Variants in PCDHGA9 observed in about 807,000 individuals in gnomAD.
PCDHGA9 encodes protocadherin gamma subfamily A, 9, also known as protocadherin gamma-A9.
In PCDHGA9, 37 loss-of-function variants were observed where a neutral mutation model predicts 62.5. The observed-to-expected ratio is 0.59, with a 90% CI of 0.46 to 0.78. The LOEUF (loss-of-function observed/expected upper bound fraction) is 0.78, where lower values mean the gene tolerates loss of function less well. Ranked by LOEUF, PCDHGA9 falls within the 30% of genes least tolerant of loss-of-function variation. The pLI is 0.00. For missense variants in PCDHGA9, 1,138 were observed against 1,166.2 expected, an observed-to-expected ratio of 0.98 and a Z score of 0.35; for synonymous variants, 459 against 484.6, an observed-to-expected ratio of 0.95 and a Z score of 0.69.
intron 1 of PCDHGA9, chr5:141,428,516 G>A (rs763205471): frequency 3.6e-6 from 1 of 281,256 alleles, no homozygotes; most frequent in Non-Finnish European, 7.0e-6. Context: ...TCTAGAAAAA[G>A]AAGATTTAAT....
At chr5:141,424,723 T>A (rs2096836963) in intron 1 of PCDHGA9, 2 of 152,144 alleles carry the variant, frequency 1.3e-5, no homozygotes, top group African/African-American at 4.8e-5. Context: ...TAGTTGGGAG[T>A]CATAGATTCC....
intron 1 of PCDHGA9, among the ~76,000 whole-genome samples, chr5:141,449,310 A>G (rs1006876700): frequency 4.6e-5 from 7 of 152,112 alleles, no homozygotes; most frequent in Non-Finnish European, 7.4e-5. Context: ...TATGTATTAT[A>G]TAATTGTATC....
intron 1 of PCDHGA9, among the ~76,000 whole-genome samples, chr5:141,468,868 A>T (rs1006995156): frequency 9.2e-5 from 14 of 151,794 alleles, no homozygotes; most frequent in African/African-American, 2.4e-4. Flanking sequence ...TCCATCTCAA[A>T]AATAATAATA....
In PCDHGA9 at chr5:141,511,402, A is replaced by C; in HGVS notation, c.*229A>C. On this transcript the variant is annotated 3_prime_UTR_variant, in exon 4 of 4. Transcript: ENST00000573521. Reference sequence around the variant, plus strand: ...TTCCGCTGGGAACCCCCATCCAATCAACTGCTGTACCCATGGGGGTAGTGG... The same window carrying C: ...TTCCGCTGGGAACCCCCATCCAATCCACTGCTGTACCCATGGGGGTAGTGG... The C allele has an allele frequency of 1.0e-6, 1 of 969,684 alleles. No individual in the cohort carries two copies. 60.1% of individuals were successfully genotyped at this position (969,684 alleles called of 1,614,324 possible).
intron 1 of PCDHGA9, chr5:141,419,577 C>T: frequency 3.7e-6 from 6 of 1,611,732 alleles, no homozygotes; most frequent in Non-Finnish European, 5.1e-6. Flanking sequence ...GACGGCTCCG[C>T]GCTCTTCGAC....
intron 1 of PCDHGA9, among the ~76,000 whole-genome samples, chr5:141,484,023 G>A (rs67828357): frequency 0.059 from 8,857 of 150,044 alleles, 313 homozygotes; most frequent in South Asian, 0.11. Context: ...GGTGGGGTGA[G>A]ATCAAGTCTC....
At chr5:141,442,974 A>C (rs1444888648) in intron 1 of PCDHGA9, among the ~76,000 whole-genome samples, 1 of 152,176 alleles carries the variant, frequency 6.6e-6, no homozygotes, top group Non-Finnish European at 1.5e-5. Flanking sequence ...CTGGCTGATA[A>C]AGTTAGCCTA....
In PCDHGA9 at chr5:141,493,079, G is replaced by A. The variant is rs1299289839; in HGVS notation, c.2425-1728G>A. 6.6e-6 allele frequency among the ~76,000 whole-genome samples: 1 copy of A among 152,204 alleles called. No homozygotes were observed. Among genetic ancestry groups the A allele is most frequent in the East Asian group, 1.9e-4 (1 of 5,196 alleles). Reference sequence around the variant, plus strand: ...AAAAACACAAGTTTCTCCAACTCCAGGAGCTTTTATTCAAAATATATCAAT... The same window carrying A: ...AAAAACACAAGTTTCTCCAACTCCAAGAGCTTTTATTCAAAATATATCAAT... On this transcript the variant is annotated intron_variant, in intron 1 of 3. Transcript: ENST00000573521. The surrounding 1 kb of genome is among the most constrained non-coding windows in gnomAD (Gnocchi z 4.3).
intron 1 of PCDHGA9, chr5:141,411,352 C>T (rs1002274073): frequency 2.6e-5 from 4 of 152,176 alleles, no homozygotes; most frequent in African/African-American, 9.7e-5. Flanking sequence ...GAAAGTATCA[C>T]TTGAGCCCAA....
Position 141,486,362 on chromosome 5 carries a change from C to A in PCDHGA9, c.2425-8445C>A. On this transcript the variant is annotated intron_variant, in intron 1 of 3. Coordinates refer to ENST00000573521, the MANE Select transcript of PCDHGA9 (RefSeq NM_018921.3). The surrounding 1 kb of genome is among the most constrained non-coding windows in gnomAD (Gnocchi z 5.0). ...CATTCCTGACCACTTGCCATTTGCC[C>A]TCAAGTCTGCCTTCAGGAACCAGTT... The A allele has an allele frequency of 6.2e-7, 1 of 1,614,132 alleles. No individual in the cohort carries two copies. The highest frequency in any genetic ancestry group is 1.7e-5 in the Admixed American group (1 of 60,024).
intron 1 of PCDHGA9, among the ~76,000 whole-genome samples, chr5:141,405,944 A>T (rs1435240635): frequency 6.6e-6 from 1 of 152,130 alleles, no homozygotes; most frequent in East Asian, 1.9e-4. Flanking sequence ...TCATGTTCTC[A>T]TAATAATTAA....
At position 141,485,656 on chromosome 5, in the gene PCDHGA9, T is replaced by C. The variant is rs147216126; in HGVS notation, c.2425-9151T>C. On this transcript the variant is annotated intron_variant, in intron 1 of 3. Coordinates refer to ENST00000573521, the MANE Select transcript of PCDHGA9 (RefSeq NM_018921.3). This position sits in a 1 kb window ranked among gnomAD's most constrained non-coding sequence, Gnocchi z 5.7. ...CGTTGGAAAAGGCTCAGGATGCAGA[T>C]GTGGGGAGCAATTCGATTAGCAGCT... 23 of 1,612,648 alleles carry C rather than the reference T, an allele frequency of 1.4e-5. No homozygotes were observed. The African/African-American group carries it at 2.8e-4, about 20-fold the overall frequency.
At position 141,421,041 on chromosome 5, in the gene PCDHGA9, C is replaced by T. The variant is rs963777669; in HGVS notation, c.2424+15665C>T. The T allele has an allele frequency of 1.8e-5, 10 of 546,514 alleles. No individual in the cohort carries two copies. The African/African-American group carries it at 1.9e-4, about 11-fold the overall frequency. 33.9% of individuals were successfully genotyped at this position (546,514 alleles called of 1,614,324 possible). A position where few individuals can be genotyped will look rare whatever the true frequency, so the allele number is the denominator to read the frequency against. ...CTGCGCGCCATTGAGTCCCTCCCTC[C>T]CCCGCCTCTACCACACAAAGCGGAA... On this transcript the variant is annotated intron_variant, in intron 1 of 3. Coordinates refer to ENST00000573521, the MANE Select transcript of PCDHGA9 (RefSeq NM_018921.3).
At chr5:141,412,939 C>G in intron 1 of PCDHGA9, 1 of 461,988 alleles carries the variant, frequency 2.2e-6, no homozygotes, top group Non-Finnish European at 3.8e-6. Context: ...TCTTAGGACT[C>G]TGAGCGCCGC....
chr5:141,510,825 G>C, intron 3 of PCDHGA9, 122 bp from the exon 4 acceptor site: 2 of 1,566,486 alleles, frequency 1.3e-6, no homozygotes, highest in Non-Finnish European at 1.7e-6. Flanking sequence ...TATATTCCCA[G>C]TGCTCAGCGT....
chr5:141,466,799 C>T (rs1049340129), intron 1 of PCDHGA9, among the ~76,000 whole-genome samples: 1 of 152,056 alleles, frequency 6.6e-6, no homozygotes, highest in African/African-American at 2.4e-5. Flanking sequence ...CAAACTAGAT[C>T]CTATTCAGAC....
At chr5:141,415,791 C>G (rs2095959265) in intron 1 of PCDHGA9, 4 of 1,341,886 alleles carry the variant, frequency 3.0e-6, no homozygotes, top group Admixed American at 8.1e-5. Context: ...GTAAAATTCA[C>G]CTAGTCTCAA....
At chr5:141,406,547 A>G (rs1414255326) in intron 1 of PCDHGA9, among the ~76,000 whole-genome samples, 1 of 152,216 alleles carries the variant, frequency 6.6e-6, no homozygotes, top group Non-Finnish European at 1.5e-5. Flanking sequence ...TTCAAACTTC[A>G]GTTATCCACT....
At position 141,487,790 on chromosome 5, in the gene PCDHGA9, C is replaced by T. The variant is rs1360781901; in HGVS notation, c.2425-7017C>T. 6.6e-7 allele frequency: 1 copy of T among 1,511,992 alleles called. No individual in the cohort carries two copies. Among genetic ancestry groups the T allele is most frequent in the Non-Finnish European group, 8.9e-7 (1 of 1,120,458 alleles). The allele number at this position is 1,511,992 out of a possible 1,614,324, so 93.7% of individuals were successfully genotyped here. ...GCTTTGTAACTGTTTCGTGAATTAA[C>T]CAGAGTTGTCACAGTTTAGCATTGG... On this transcript the variant is annotated intron_variant, in intron 1 of 3. Coordinates refer to ENST00000573521, the MANE Select transcript of PCDHGA9 (RefSeq NM_018921.3). This position sits in a 1 kb window ranked among gnomAD's most constrained non-coding sequence, Gnocchi z 5.0.
Sources: allele counts gnomAD v4.1 joint callset (sites outside exome capture counted in the v4.1 genomes callset), GRCh38; gene constraint gnomAD v4.1.1; non-coding constraint Gnocchi (gnomAD v3.1); transcripts MANE v1.5; gene names NCBI Gene and HGNC (gene_info 2026-07-23, HGNC 2026-07-21).